Variants in DACH1 observed in about 807,000 individuals in gnomAD.
DACH1 encodes the protein dachshund homolog 1.
DACH1 carries 12 observed loss-of-function variants against 54.2 expected under a neutral mutation model. The observed-to-expected ratio is 0.22, with a 90% CI of 0.14 to 0.36. DACH1 has a LOEUF of 0.36. DACH1 is among the 10% of genes least tolerant of loss of function. The pLI, the probability that DACH1 is intolerant of heterozygous loss-of-function variation, is 1.00. For missense variants in DACH1, 805 were observed against 929.8 expected, an observed-to-expected ratio of 0.87 and a Z score of 1.75; for synonymous variants, 386 against 366.2, an observed-to-expected ratio of 1.05 and a Z score of -0.62.
intron 2 of DACH1, among the ~76,000 whole-genome samples, chr13:71,678,439 A>G (rs1365227020): frequency 6.6e-6 from 1 of 152,206 alleles, no homozygotes; most frequent in Non-Finnish European, 1.5e-5. Flanking sequence ...AGGTAACGCC[A>G]TTCATGTGCA....
chr13:71,748,902 T>TCTC (rs1566476912), intron 1 of DACH1, among the ~76,000 whole-genome samples: 1 of 26,184 alleles, frequency 3.8e-5, no homozygotes, highest in African/African-American at 8.4e-5. Context: ...TTCTTTCTCT[T>TCTC]TCTTTCTTTC....
chr13:71,443,998 C>T (rs1253383250), intron 10 of DACH1, among the ~76,000 whole-genome samples: 1 of 152,028 alleles, frequency 6.6e-6, no homozygotes, highest in African/African-American at 2.4e-5. Context: ...ACCTGTGGGA[C>T]CAAACTATGT....
intron 1 of DACH1, among the ~76,000 whole-genome samples, chr13:71,817,464 C>T (rs1888003254): frequency 6.6e-6 from 1 of 152,114 alleles, no homozygotes; most frequent in African/African-American, 2.4e-5. Flanking sequence ...AATGGCAAAC[C>T]CTTCTCTAGG....
At chr13:71,500,376 C>T (rs959754664) in intron 6 of DACH1, among the ~76,000 whole-genome samples, 1 of 152,100 alleles carries the variant, frequency 6.6e-6, no homozygotes, top group African/African-American at 2.4e-5. Context: ...CTGCATAGCT[C>T]TAATTCATTT....
At chr13:71,483,646 G>A (rs1381299279) in intron 7 of DACH1, among the ~76,000 whole-genome samples, 2 of 150,348 alleles carry the variant, frequency 1.3e-5, no homozygotes, top group Non-Finnish European at 3.0e-5. Flanking sequence ...AAAATTATTG[G>A]CCATGATATT....
At chr13:71,508,160 A>T (rs1053002143) in intron 6 of DACH1, among the ~76,000 whole-genome samples, 8 of 152,184 alleles carry the variant, frequency 5.3e-5, no homozygotes, top group African/African-American at 1.9e-4. Context: ...AGTTAAAAAA[A>T]ATCATAGCTG....
chr13:71,663,743 G>A (rs555847158), intron 2 of DACH1, among the ~76,000 whole-genome samples: 58 of 151,950 alleles, frequency 3.8e-4, no homozygotes, highest in African/African-American at 1.3e-3. Context: ...ATATAAATAA[G>A]AAATAGAGAT....
chr13:71,499,915 C>G (rs1186248156), intron 6 of DACH1, among the ~76,000 whole-genome samples: 1 of 151,870 alleles, frequency 6.6e-6, no homozygotes, highest in African/African-American at 2.4e-5. Context: ...GTAAGATGTT[C>G]AGTAATAGTA....
At chr13:71,719,856 C>T (rs9529910) in intron 1 of DACH1, among the ~76,000 whole-genome samples, 1 of 152,026 alleles carries the variant, frequency 6.6e-6, no homozygotes, top group Non-Finnish European at 1.5e-5. Context: ...CAGAGTGACA[C>T]TCTGTCAAAT....
intron 2 of DACH1, among the ~76,000 whole-genome samples, chr13:71,649,744 C>A (rs532189074): frequency 6.6e-6 from 1 of 152,276 alleles, no homozygotes; most frequent in East Asian, 1.9e-4. Context: ...TCACTATACA[C>A]ATCTTGACTT....
In DACH1 at chr13:71,581,448, A is replaced by T. The variant is rs145763771; in HGVS notation, c.1127-8436T>A. Among the ~76,000 whole-genome samples the T allele has an allele frequency of 7.9e-5, 12 of 152,114 alleles. No homozygotes were observed. The East Asian group carries it at 2.3e-3, about 30-fold the overall frequency. On this transcript the variant is annotated intron_variant, in intron 3 of 10. Coordinates refer to ENST00000613252, the MANE Select transcript of DACH1 (RefSeq NM_080759.6). ...AGCTAATTTTTGCATTTTAGTAGAG[A>T]CGGGCTTTCACAATGCCAGGCTGGT...
intron 1 of DACH1, among the ~76,000 whole-genome samples, chr13:71,864,283 C>A (rs1874567451): frequency 6.6e-6 from 1 of 151,790 alleles, no homozygotes; most frequent in Admixed American, 6.6e-5. Flanking sequence ...AGGAAGAATA[C>A]CTAAACACGG....
At chr13:71,607,515 T>G (rs980987750) in intron 3 of DACH1, among the ~76,000 whole-genome samples, 7 of 152,048 alleles carry the variant, frequency 4.6e-5, no homozygotes, top group Non-Finnish European at 1.0e-4. Context: ...GGGCATGACT[T>G]TCAAAGCCAA....
intron 2 of DACH1, among the ~76,000 whole-genome samples, chr13:71,651,686 A>C (rs9599867): frequency 0.012 from 393 of 33,668 alleles, no homozygotes; most frequent in East Asian, 0.018. Context: ...GTATCTGTAT[A>C]TGTATATGTA....
chr13:71,743,957 G>A (rs1884505595), intron 1 of DACH1, among the ~76,000 whole-genome samples: 1 of 151,988 alleles, frequency 6.6e-6, no homozygotes, highest in African/African-American at 2.4e-5. Flanking sequence ...AAGTAAAAAC[G>A]AAAATATAAC....
chr13:71,600,926 G>A (rs747071251), intron 3 of DACH1, among the ~76,000 whole-genome samples: 15 of 151,194 alleles, frequency 9.9e-5, no homozygotes, highest in African/African-American at 2.2e-4. Flanking sequence ...TTGTTGGTTC[G>A]GTGTAACTCC....
intron 1 of DACH1, among the ~76,000 whole-genome samples, chr13:71,738,730 T>G (rs1884247981): frequency 2.6e-4 from 1 of 3,830 alleles, no homozygotes; most frequent in African/African-American, 3.4e-4. Flanking sequence ...AGACTCTGTC[T>G]CAAAAAAAAA....
intron 1 of DACH1, among the ~76,000 whole-genome samples, chr13:71,685,169 A>ACTTTAATT (rs1188403480): frequency 2.0e-5 from 3 of 152,210 alleles, no homozygotes; most frequent in Admixed American, 6.5e-5. Flanking sequence ...AAGTAGGAAC[A>ACTTTAATT]CTTTAATTCA....
intron 1 of DACH1, among the ~76,000 whole-genome samples, chr13:71,754,959 G>A (rs1257440287): frequency 6.6e-6 from 1 of 152,136 alleles, no homozygotes; most frequent in Non-Finnish European, 1.5e-5. Flanking sequence ...AAAGACCGGG[G>A]CCGGGGGGAA....
Sources: gnomAD v4.1 joint callset for allele counts (sites outside exome capture counted in the v4.1 genomes callset) on GRCh38, gnomAD v4.1.1 for gene constraint, MANE v1.5 for transcripts, NCBI Gene and HGNC (gene_info 2026-07-23, HGNC 2026-07-21) for gene names.